SMARCD1: variants seen among roughly 807,000 people sequenced by gnomAD.
SMARCD1 encodes the protein SWI/SNF related BAF chromatin remodeling complex subunit D1.
A neutral mutation model predicts 70.8 loss-of-function variants in SMARCD1; 16 were observed. That is an observed-to-expected ratio of 0.23 (90% CI 0.15 to 0.34). The LOEUF (loss-of-function observed/expected upper bound fraction) is 0.34, where lower values mean the gene tolerates loss of function less well. SMARCD1 is among the 10% of genes least tolerant of loss of function. The pLI is 1.00. For synonymous variants in SMARCD1, 249 were observed against 246.0 expected (o/e 1.01, Z -0.11); for missense variants, 409 against 655.5 (o/e 0.62, Z 4.11).
At position 50,089,934 on chromosome 12, in the gene SMARCD1, G is replaced by T. The variant is rs777564970; in HGVS notation, c.822G>T (p.Arg274=). The change falls in exon 7 of 13, where the codon CGG becomes CGT. Residue 274 remains arginine (R), a synonymous_variant. Coordinates refer to ENST00000394963, the MANE Select transcript of SMARCD1 (RefSeq NM_003076.5). ...AGACCGATGGCTTTCAGGTGAAGCG[G>T]CCGGGAGACGTGAATGTACGGTGTA... ...TQETDGFQVK[R]PGDVNVRCTV... 3.7e-6 allele frequency: 6 copies of T among 1,614,100 alleles called. No individual in the cohort carries two copies. Among genetic ancestry groups the T allele is most frequent in the Non-Finnish European group, 4.2e-6 (5 of 1,180,054 alleles).
At chr12:50,091,555 G>A (rs947310130) in intron 9 of SMARCD1, among the ~76,000 whole-genome samples, 55 of 151,122 alleles carry the variant, frequency 3.6e-4, no homozygotes, top group Middle Eastern at 7.0e-3. Flanking sequence ...GACTACAGGC[G>A]TGAGCCACCG....
intron 2 of SMARCD1, 37 bp downstream of exon 2, chr12:50,086,385 A>G: frequency 7.1e-7 from 1 of 1,405,380 alleles, no homozygotes; most frequent in Non-Finnish European, 9.8e-7. Flanking sequence ...GGAGGGAGGG[A>G]GCCTGGGAGG....
chr12:50,095,017 C>T (rs1368266391), intron 10 of SMARCD1, among the ~76,000 whole-genome samples: 2 of 152,062 alleles, frequency 1.3e-5, no homozygotes, highest in African/African-American at 2.4e-5. Context: ...AGGCTGGTCT[C>T]CAACTCCTGA....
chr12:50,098,980 C>T lies in SMARCD1; in HGVS notation c.1528C>T (p.Leu510=). Residue 510 remains leucine, a synonymous_variant, in exon 13 of 13, where the codon CTG becomes TTG. Coordinates refer to ENST00000394963, the MANE Select transcript of SMARCD1 (RefSeq NM_003076.5). Reference sequence around the variant, plus strand: ...GAGACGACAAGAATTAGAGCAAGCCCTGGGAATCCGGAATACATAGGGCCT... The same window carrying T: ...GAGACGACAAGAATTAGAGCAAGCCTTGGGAATCCGGAATACATAGGGCCT... ...QQRRQELEQA[L]GIRNT The T allele has an allele frequency of 6.2e-7, 1 of 1,614,130 alleles. No homozygotes were observed.
At position 50,089,944 on chromosome 12, in the gene SMARCD1, G is replaced by A. The variant is rs200921207; in HGVS notation, c.832G>A (p.Val278Met). The A allele has an allele frequency of 1.3e-4, 207 of 1,614,162 alleles. 2 individuals are homozygous for A. In the East Asian group the frequency reaches 4.3e-3, roughly 33 times the overall value. The change falls in exon 7 of 13, where the codon GTG becomes ATG. Residue 278 changes from valine (V) to methionine (M), a missense_variant. Val to Met is a conservative substitution (Grantham distance 21). Coordinates refer to ENST00000394963, the MANE Select transcript of SMARCD1 (RefSeq NM_003076.5). The part of the protein sequence containing the change: ...DGFQVKRPGD[V>M]NVRCTVLLML... Reference sequence around the variant, plus strand: ...CTTTCAGGTGAAGCGGCCGGGAGACGTGAATGTACGGTGTACTGTCCTACT... The same window carrying A: ...CTTTCAGGTGAAGCGGCCGGGAGACATGAATGTACGGTGTACTGTCCTACT...
At position 50,099,788 on chromosome 12, in the gene SMARCD1, C is replaced by T. The variant is rs1396520678; in HGVS notation, c.*788C>T. 1 of 155,152 alleles carries T rather than the reference C, an allele frequency of 6.4e-6. No homozygotes were observed. Among genetic ancestry groups the T allele is most frequent in the Non-Finnish European group, 1.4e-5 (1 of 69,840 alleles). 9.6% of individuals were successfully genotyped at this position (155,152 alleles called of 1,614,324 possible). A position where few individuals can be genotyped will look rare whatever the true frequency, so the allele number is the denominator to read the frequency against. On this transcript the variant is annotated 3_prime_UTR_variant, in exon 13 of 13. Transcript: ENST00000394963. Reference sequence around the variant, plus strand: ...CCAGGGATCTCATCTGGGGAACTGTCATTGCCAGCAGAGGCTGTTCCTTCC... The same window carrying T: ...CCAGGGATCTCATCTGGGGAACTGTTATTGCCAGCAGAGGCTGTTCCTTCC...
intron 5 of SMARCD1, 178 bp from the exon 6 acceptor site, chr12:50,088,343 C>T (rs1950810849): frequency 1.4e-6 from 1 of 695,122 alleles, no homozygotes; most frequent in Non-Finnish European, 2.6e-6. Context: ...GGTTCTGTTG[C>T]TACTATGATT....
In SMARCD1 at chr12:50,090,535, C is replaced by T. The variant is rs141728974; in HGVS notation, c.1078C>T (p.Arg360Trp). ...TATGAAGTTTTCAGAGATCCCTCAG[C>T]GGCTCCATGCCTTGCTTATGCCACC... ...QRMKFSEIPQRLHALLMPPEP... is the reference protein window; with the variant it reads ...QRMKFSEIPQWLHALLMPPEP... Residue 360 changes from arginine (R) to tryptophan (W), a missense_variant, in exon 9 of 13, where the codon CGG becomes TGG. Arg to Trp is a moderately radical substitution (Grantham distance 101, BLOSUM62 -3). Transcript: ENST00000394963. 3.5e-5 allele frequency: 57 copies of T among 1,613,934 alleles called. No homozygotes were observed. Among genetic ancestry groups the T allele is most frequent in the South Asian group, 4.4e-5 (4 of 91,082 alleles).
chr12:50,090,326 G>A lies in SMARCD1; in HGVS notation c.959G>A (p.Trp320Ter). 6.2e-7 allele frequency: 1 copy of A among 1,614,120 alleles called. No individual in the cohort carries two copies. Among genetic ancestry groups the A allele is most frequent in the Non-Finnish European group, 8.5e-7 (1 of 1,179,996 alleles). The change falls in exon 8 of 13, where the codon TGG becomes TAG. Residue 320 changes from tryptophan to a stop codon, truncating the protein, a stop_gained. Coordinates refer to ENST00000394963, the MANE Select transcript of SMARCD1 (RefSeq NM_003076.5). LOFTEE classifies it high-confidence loss of function. ...CGTCCAGTGATCATCCAAGCACTGT[G>A]GCAATATATTAAGACACATAAGCTC... is the stretch of plus-strand genomic sequence containing the variant. ...QTRPVIIQAL[W>*]QYIKTHKLQD...
At chr12:50,098,842 A>G (rs770312012) in intron 12 of SMARCD1, 27 bp downstream of exon 12, 33 of 1,610,058 alleles carry the variant, frequency 2.0e-5, no homozygotes, top group Admixed American at 1.7e-5. Flanking sequence ...CACGGGGGAA[A>G]TTGACAAAAG....
At chr12:50,093,257 T>G (rs1950863053) in intron 9 of SMARCD1, among the ~76,000 whole-genome samples, 1 of 151,672 alleles carries the variant, frequency 6.6e-6, no homozygotes, top group Non-Finnish European at 1.5e-5. Flanking sequence ...GGCATGATCT[T>G]CGCTCTCTGC....
In SMARCD1 at chr12:50,098,778, G is replaced by C; in HGVS notation, c.1457G>C (p.Trp486Ser). 1 of 1,614,090 alleles carries C rather than the reference G, an allele frequency of 6.2e-7. No individual in the cohort carries two copies. Among genetic ancestry groups the C allele is most frequent in the Non-Finnish European group, 8.5e-7 (1 of 1,179,976 alleles). ...CGAGCTGAGTTCTACTTCCAGCCCT[G>C]GGCTCAGGAGGCTGTGTGCCGATAC... ...ERRAEFYFQP[W>S]AQEAVCRYFY... The change falls in exon 12 of 13, where the codon TGG becomes TCG. Residue 486 changes from tryptophan to serine, a missense_variant. Trp to Ser is a radical substitution (Grantham distance 177, BLOSUM62 -3). Around this residue, in one of 2 missense-constraint regions of SMARCD1, gnomAD observed 269 missense variants for 498.6 expected, o/e 0.54. Coordinates refer to ENST00000394963, the MANE Select transcript of SMARCD1 (RefSeq NM_003076.5).
rs1388886324 is a variant in SMARCD1, at chr12:50,086,478, C to G, written c.365+130C>G. ...GCTACAGAACTCATCCTTGAGAATG[C>G]TTGGTGGTGGTGGTGGTGGTGGTAG... On this transcript the variant is annotated intron_variant, in intron 2 of 12. Coordinates refer to ENST00000394963, the MANE Select transcript of SMARCD1 (RefSeq NM_003076.5). The G allele has an allele frequency of 2.9e-5, 13 of 450,190 alleles. No individual in the cohort carries two copies. In the South Asian group the frequency reaches 6.2e-4, roughly 21 times the overall value. 27.9% of individuals were successfully genotyped at this position (450,190 alleles called of 1,614,324 possible).
In SMARCD1 at chr12:50,085,470, C is replaced by T. The variant is rs1592285392; in HGVS notation, c.101C>T (p.Pro34Leu). Reference protein sequence around the residue: ...AAAALGPGGTPGPPVRMGPAP... With the variant: ...AAAALGPGGTLGPPVRMGPAP... The stretch of plus-strand genomic sequence containing the variant: ...GCTGCCTTGGGCCCGGGCGGAACTC[C>T]GGGGCCTCCTGTGCGAATGGGCCCG... The change falls in exon 1 of 13, where the codon CCG (proline) becomes CTG (leucine). Residue 34 changes from proline to leucine, a missense_variant. Pro to Leu is a moderately conservative substitution (Grantham distance 98, BLOSUM62 -3). This residue lies in a region of SMARCD1 where 140 missense variants were observed against 156.9 expected (regional missense o/e 0.89). Coordinates refer to ENST00000394963, the MANE Select transcript of SMARCD1 (RefSeq NM_003076.5). 4.0e-6 allele frequency: 5 copies of T among 1,239,114 alleles called. No homozygotes were observed. The Admixed American group carries it at 1.2e-4, about 30-fold the overall frequency. 76.8% of individuals were successfully genotyped at this position (1,239,114 alleles called of 1,614,324 possible).
rs571318789 is a variant in SMARCD1 at position 50,095,646 on chromosome 12, C to T, written c.1269+1074C>T. ...CCGGCCCCAACTAAATCTTGAAGGA[C>T]AAAGTGGGTGTTAATGAAAGGGCAA... On this transcript the variant is annotated intron_variant, in intron 10 of 12. Transcript: ENST00000394963. Among the ~76,000 whole-genome samples, 44 of 152,200 alleles carry T rather than the reference C, an allele frequency of 2.9e-4. 1 individual carries two copies. Among genetic ancestry groups the T allele is most frequent in the African/African-American group, 1.0e-3 (42 of 41,526 alleles).
chr12:50,094,289 G>A, intron 9 of SMARCD1, 148 bp from the exon 10 acceptor site: 1 of 710,416 alleles, frequency 1.4e-6, no homozygotes, highest in South Asian at 2.0e-5. Flanking sequence ...CCACAATAAA[G>A]TGTAGAACAT....
chr12:50,087,550 C>G, intron 5 of SMARCD1, 65 bp downstream of exon 5: 1 of 1,580,040 alleles, frequency 6.3e-7, no homozygotes, highest in Non-Finnish European at 8.6e-7. Context: ...ACAGTGTTGT[C>G]TGGTCAGCAG....
Position 50,085,351 on chromosome 12 carries a change from C to A in SMARCD1, c.-19C>A. The A allele has an allele frequency of 7.9e-7, 1 of 1,262,676 alleles. No homozygotes were observed. Among genetic ancestry groups the A allele is most frequent in the South Asian group, 3.7e-5 (1 of 27,102 alleles). 78.2% of individuals were successfully genotyped at this position (1,262,676 alleles called of 1,614,324 possible). On this transcript the variant is annotated 5_prime_UTR_variant, in exon 1 of 13. Coordinates refer to ENST00000394963, the MANE Select transcript of SMARCD1 (RefSeq NM_003076.5). ...CCGGTTCCGGTTCTTTGTGCGGCTG[C>A]ATCGGCGGCTCCGGGAAGATGGCGG... is the stretch of plus-strand genomic sequence containing the variant.
intron 7 of SMARCD1, 60 bp from the exon 8 acceptor site, chr12:50,090,181 G>T: frequency 6.7e-7 from 1 of 1,493,982 alleles, no homozygotes; most frequent in South Asian, 1.2e-5. Flanking sequence ...TAGCTTGAAT[G>T]TATTGCTGCA....
Sources: gnomAD v4.1 joint callset for allele counts (sites outside exome capture counted in the v4.1 genomes callset) on GRCh38, gnomAD v4.1.1 for gene constraint, gnomAD v4.1.1 regional missense constraint, MANE v1.5 for transcripts, NCBI Gene and HGNC (gene_info 2026-07-23, HGNC 2026-07-21) for gene names.